The following ZNF407 variants were observed in gnomAD, a reference collection of about 807,000 sequenced individuals.
The protein encoded by ZNF407 is zinc finger protein 407.
In ZNF407, 17 loss-of-function variants were observed where a neutral mutation model predicts 131.2. That is an observed-to-expected ratio of 0.13 (90% CI 0.09 to 0.19). The LOEUF is 0.19. Among genes scored for constraint, ZNF407 ranks in the 10% least tolerant of loss-of-function variants. The probability of loss-of-function intolerance (pLI) is 1.00; values close to 1 mark genes in which losing one functional copy is unlikely to be tolerated. For synonymous variants in ZNF407, 1,156 were observed against 1,062.0 expected, an observed-to-expected ratio of 1.09 and a Z score of -1.72; for missense variants, 2,681 against 2,830.6, an observed-to-expected ratio of 0.95 and a Z score of 1.20.
chr18:74,953,333 C>T (rs558355526), intron 8 of ZNF407, among the ~76,000 whole-genome samples: 4 of 152,312 alleles, frequency 2.6e-5, no homozygotes, highest in South Asian at 2.1e-4. Flanking sequence ...TAAAGACCAT[C>T]AGTGCTGCAG....
At chr18:74,716,842 AT>A (rs1343882594) in intron 3 of ZNF407, among the ~76,000 whole-genome samples, 1 of 152,194 alleles carries the variant, frequency 6.6e-6, no homozygotes, top group Non-Finnish European at 1.5e-5. Flanking sequence ...AATAGATCGC[AT>A]TTTAAAATGA....
chr18:74,847,118 G>T (rs140841377), intron 4 of ZNF407, among the ~76,000 whole-genome samples: 247 of 152,170 alleles, frequency 1.6e-3, no homozygotes, highest in Middle Eastern at 0.014. Flanking sequence ...TTATTTTCTT[G>T]TGCAATAGAG....
intron 1 of ZNF407, among the ~76,000 whole-genome samples, chr18:74,630,462 C>T (rs1294241045): frequency 4.6e-5 from 7 of 152,156 alleles, no homozygotes; most frequent in African/African-American, 4.8e-5. Context: ...TGAGCCACCA[C>T]GCCTGGCCGA....
chr18:75,015,749 C>G (rs1234264978), intron 8 of ZNF407, among the ~76,000 whole-genome samples: 1 of 151,420 alleles, frequency 6.6e-6, no homozygotes, highest in Non-Finnish European at 1.5e-5. Flanking sequence ...TCAAAAGTAC[C>G]CTGGCAAAAA....
chr18:74,635,428 G>C lies in ZNF407; in HGVS notation c.4409G>C (p.Arg1470Thr), dbSNP rs753002633. ...HQHLASAGHMRNEQASVEELP... is the reference protein window; with the variant it reads ...HQHLASAGHMTNEQASVEELP... ...CATCTGGCTAGTGCCGGCCACATGA[G>C]AAATGAGCAGGCCAGTGTGGAGGAG... The change falls in exon 2 of 9, where the codon AGA becomes ACA. Residue 1470 changes from arginine to threonine, a missense_variant. Coordinates refer to ENST00000299687, the MANE Select transcript of ZNF407 (RefSeq NM_017757.3). The surrounding 1 kb of genome is among the most constrained non-coding windows in gnomAD (Gnocchi z 4.7). 6.2e-7 allele frequency: 1 copy of C among 1,613,666 alleles called. No individual in the cohort carries two copies. Among genetic ancestry groups the C allele is most frequent in the South Asian group, 1.1e-5 (1 of 90,988 alleles).
chr18:74,845,082 G>T (rs755635230), intron 4 of ZNF407, among the ~76,000 whole-genome samples: 2 of 152,216 alleles, frequency 1.3e-5, no homozygotes, highest in East Asian at 3.8e-4. Flanking sequence ...CCTTCAGGGT[G>T]CCCGGCTTGA....
intron 4 of ZNF407, among the ~76,000 whole-genome samples, chr18:74,799,379 G>A (rs1969978784): frequency 6.6e-6 from 1 of 152,012 alleles, no homozygotes; most frequent in South Asian, 2.1e-4. Flanking sequence ...TGCAGTACAG[G>A]ATCCCTTGAG....
At chr18:74,914,256 G>T (rs983254810) in intron 7 of ZNF407, among the ~76,000 whole-genome samples, 1 of 152,176 alleles carries the variant, frequency 6.6e-6, no homozygotes, top group Non-Finnish European at 1.5e-5. Context: ...CTTCCTCAGC[G>T]GAAAGCCTGG....
At chr18:74,793,811 G>A (rs1181513039) in intron 4 of ZNF407, among the ~76,000 whole-genome samples, 1 of 152,270 alleles carries the variant, frequency 6.6e-6, no homozygotes, top group African/African-American at 2.4e-5. Flanking sequence ...ATTTTCCCGG[G>A]AGGAAAGACC....
intron 3 of ZNF407, among the ~76,000 whole-genome samples, chr18:74,755,536 T>TCTCCCCCCCTCC (rs1968911096): frequency 1.0e-5 from 1 of 99,150 alleles, no homozygotes; most frequent in Non-Finnish European, 1.9e-5. Context: ...TCTTTCCCTC[T>TCTCCCCCCCTCC]CTCCCTCCCT....
chr18:74,969,684 T>G (rs1415383796), intron 8 of ZNF407, among the ~76,000 whole-genome samples: 2 of 152,192 alleles, frequency 1.3e-5, no homozygotes, highest in African/African-American at 2.4e-5. Flanking sequence ...AAGAGGGTCT[T>G]GGGCCCTCAA....
intron 3 of ZNF407, among the ~76,000 whole-genome samples, chr18:74,721,059 C>T (rs1968024012): frequency 6.6e-6 from 1 of 151,140 alleles, no homozygotes; most frequent in South Asian, 2.1e-4. Flanking sequence ...ATAGGGATTG[C>T]ATTAAATCTG....
intron 8 of ZNF407, among the ~76,000 whole-genome samples, chr18:75,059,059 G>A (rs781116826): frequency 1.2e-4 from 18 of 152,210 alleles, no homozygotes; most frequent in Non-Finnish European, 1.5e-4. Context: ...GCCTGTGCGT[G>A]TGCGGAGGTG....
At chr18:74,737,368 A>G (rs527728950) in intron 3 of ZNF407, among the ~76,000 whole-genome samples, 4 of 152,386 alleles carry the variant, frequency 2.6e-5, no homozygotes, top group South Asian at 2.1e-4. Flanking sequence ...TGAAAATACT[A>G]TCTTACTCTG....
chr18:75,063,950 A>C lies in ZNF407; in HGVS notation c.6229A>C (p.Lys2077Gln), dbSNP rs778382470. ...ASQERAQVAF[K>Q]KMVQGVLQFA... ...TCAGGAGCGGGCACAGGTGGCCTTC[A>C]AGAAGATGGTCCAGGGCGTCCTCCA... The change falls in exon 9 of 9, where the codon AAG becomes CAG. Residue 2077 changes from lysine (K) to glutamine (Q), a missense_variant. Physicochemically the swap from Lys to Gln is moderately conservative, Grantham distance 53. Coordinates refer to ENST00000299687, the MANE Select transcript of ZNF407 (RefSeq NM_017757.3). This position sits in a 1 kb window ranked among gnomAD's most constrained non-coding sequence, Gnocchi z 6.6. 1 of 1,613,746 alleles carries C rather than the reference A, an allele frequency of 6.2e-7. No homozygotes were observed. Among genetic ancestry groups the C allele is most frequent in the Non-Finnish European group, 8.5e-7 (1 of 1,179,866 alleles).
intron 3 of ZNF407, among the ~76,000 whole-genome samples, chr18:74,746,424 AT>A: frequency 6.6e-6 from 1 of 152,112 alleles, no homozygotes; most frequent in Non-Finnish European, 1.5e-5. Context: ...TTTATGAACT[AT>A]TTTTTAAAGT....
At chr18:74,780,105 G>A (rs1336036112) in intron 3 of ZNF407, among the ~76,000 whole-genome samples, 2 of 151,860 alleles carry the variant, frequency 1.3e-5, no homozygotes, top group Non-Finnish European at 2.9e-5. Context: ...GGTACCAGTT[G>A]TTTATAGTTG....
intron 3 of ZNF407, among the ~76,000 whole-genome samples, chr18:74,753,565 AG>A (rs1184097738): frequency 6.6e-6 from 1 of 152,314 alleles, no homozygotes; most frequent in Non-Finnish European, 1.5e-5. Flanking sequence ...TTTAGCATGA[AG>A]GGCTGTTGAA....
At chr18:74,711,099 A>G (rs1216549117) in intron 3 of ZNF407, among the ~76,000 whole-genome samples, 2 of 151,226 alleles carry the variant, frequency 1.3e-5, no homozygotes, top group South Asian at 4.2e-4. Context: ...TCCATTCTCC[A>G]TGGATGCTAT....
Sources: allele counts gnomAD v4.1 joint callset (sites outside exome capture counted in the v4.1 genomes callset), GRCh38; gene constraint gnomAD v4.1.1; non-coding constraint Gnocchi (gnomAD v3.1); transcripts MANE v1.5; gene names NCBI Gene and HGNC (gene_info 2026-07-23, HGNC 2026-07-21).